The following STX2 variants were observed in gnomAD, a reference collection of about 807,000 sequenced individuals.
STX2 encodes syntaxin-2.
STX2 carries 27 observed loss-of-function variants against 40.6 expected under a neutral mutation model. The observed-to-expected ratio is 0.66, with a 90% CI of 0.49 to 0.92. STX2 has a LOEUF of 0.92. Among genes scored for constraint, STX2 ranks in the 40% least tolerant of loss-of-function variants. The probability of loss-of-function intolerance (pLI) is 0.00; values close to 1 mark genes in which losing one functional copy is unlikely to be tolerated. For missense variants in STX2, 328 were observed against 366.1 expected (o/e 0.90, Z 0.85); for synonymous variants, 123 against 119.1 (o/e 1.03, Z -0.22).
intron 2 of STX2, among the ~76,000 whole-genome samples, chr12:130,822,872 C>T (rs1952167496): frequency 6.6e-6 from 1 of 152,212 alleles, no homozygotes; most frequent in South Asian, 2.1e-4. Flanking sequence ...AATAATGGAA[C>T]ACTACGCATA....
At chr12:130,822,833 A>T (rs1304670037) in intron 2 of STX2, among the ~76,000 whole-genome samples, 1 of 152,234 alleles carries the variant, frequency 6.6e-6, no homozygotes, top group African/African-American at 2.4e-5. Context: ...GCAGTAGGAT[A>T]TAAATAACTC....
chr12:130,798,400 A>T, intron 9 of STX2, 125 bp downstream of exon 9: 1 of 562,956 alleles, frequency 1.8e-6, no homozygotes, highest in Non-Finnish European at 2.8e-6. Flanking sequence ...TTTCCATTTT[A>T]AAATAAAACA....
intron 1 of STX2, among the ~76,000 whole-genome samples, chr12:130,833,039 T>C (rs371982945): frequency 6.6e-6 from 1 of 152,200 alleles, no homozygotes; most frequent in African/African-American, 2.4e-5. Context: ...AGCTGCTGTC[T>C]ATCTCCCAGC....
intron 6 of STX2, among the ~76,000 whole-genome samples, chr12:130,806,377 C>T (rs756497694): frequency 2.0e-5 from 3 of 152,176 alleles, no homozygotes; most frequent in South Asian, 2.1e-4. Flanking sequence ...CAGCTGTCCA[C>T]GGCCCCCAGT....
intron 2 of STX2, among the ~76,000 whole-genome samples, chr12:130,824,434 A>G (rs941761689): frequency 2.6e-5 from 4 of 152,218 alleles, no homozygotes; most frequent in Admixed American, 2.6e-4. Context: ...CATATGTTAG[A>G]AAGTAAAAGA....
chr12:130,815,130 G>GA (rs1565921272), intron 3 of STX2, among the ~76,000 whole-genome samples: 1 of 152,072 alleles, frequency 6.6e-6, no homozygotes, highest in African/African-American at 2.4e-5. Flanking sequence ...GATGAAACTA[G>GA]AAAAAAAGAG....
chr12:130,790,868 G>C lies in STX2; in HGVS notation c.*1155C>G, dbSNP rs1412462168. ...AACAGGCGGAAACGGAGCTGAGGCC[G>C]AGGCTTTTCTGGAGGGCACCAGCAC... On this transcript the variant is annotated 3_prime_UTR_variant, in exon 11 of 11. Coordinates refer to ENST00000392373, the MANE Select transcript of STX2 (RefSeq NM_194356.4). 1 of 152,626 alleles carries C rather than the reference G, an allele frequency of 6.6e-6. No individual in the cohort carries two copies. Among genetic ancestry groups the C allele is most frequent in the African/African-American group, 2.4e-5 (1 of 41,444 alleles). The allele number at this position is 152,626 out of a possible 1,614,324, so 9.5% of individuals were successfully genotyped here.
chr12:130,826,166 TGAGCCCTCTGCTC>T (rs1455311987), intron 2 of STX2, among the ~76,000 whole-genome samples: 3 of 152,242 alleles, frequency 2.0e-5, no homozygotes, highest in African/African-American at 7.2e-5. Context: ...TTTCAGACCC[TGAGCCCTCTGCTC>T]TAGGCACTTG....
intron 9 of STX2, among the ~76,000 whole-genome samples, chr12:130,796,772 C>T (rs747619283): frequency 9.2e-5 from 14 of 152,148 alleles, no homozygotes; most frequent in Non-Finnish European, 1.9e-4. Context: ...CCCACTGCCT[C>T]GTCATGAAGC....
At chr12:130,796,767 T>A (rs976904692) in intron 9 of STX2, among the ~76,000 whole-genome samples, 1 of 152,182 alleles carries the variant, frequency 6.6e-6, no homozygotes, top group African/African-American at 2.4e-5. Context: ...AGAGCCCCAC[T>A]GCCTCGTCAT....
intron 1 of STX2, among the ~76,000 whole-genome samples, chr12:130,836,770 T>C (rs1593201362): frequency 6.6e-6 from 1 of 152,206 alleles, no homozygotes; most frequent in East Asian, 1.9e-4. Context: ...GAAAAAGTTT[T>C]GAGAGATTTA....
chr12:130,839,041 C>A (rs1186908713), intron 1 of STX2, 29 bp downstream of exon 1: 9 of 1,350,570 alleles, frequency 6.7e-6, no homozygotes, highest in Non-Finnish European at 8.6e-6. Flanking sequence ...CCGGCCGGGC[C>A]TGAACCGCTA....
intron 6 of STX2, among the ~76,000 whole-genome samples, chr12:130,802,188 G>A (rs149995324): frequency 3.9e-5 from 6 of 152,264 alleles, no homozygotes; most frequent in South Asian, 2.1e-4. Flanking sequence ...AACAAAGGAC[G>A]CTTTTGGTTT....
chr12:130,793,827 A>G (rs1454864504), intron 10 of STX2, among the ~76,000 whole-genome samples: 2 of 152,256 alleles, frequency 1.3e-5, no homozygotes, highest in African/African-American at 2.4e-5. Context: ...GGCTATGTTA[A>G]TATTTTAAAA....
At position 130,789,733 on chromosome 12, in the gene STX2, G is replaced by C. The variant is rs1203132728; in HGVS notation, c.*2290C>G. Reference sequence around the variant, plus strand: ...TTTTTAATGTAAACATGAAATATTTGAAGAACCGATTAAAAAGTCTCAAGT... The same window carrying C: ...TTTTTAATGTAAACATGAAATATTTCAAGAACCGATTAAAAAGTCTCAAGT... On this transcript the variant is annotated 3_prime_UTR_variant, in exon 11 of 11. Coordinates refer to ENST00000392373, the MANE Select transcript of STX2 (RefSeq NM_194356.4). 1 of 152,534 alleles carries C rather than the reference G, an allele frequency of 6.6e-6. No homozygotes were observed. The highest frequency in any genetic ancestry group is 1.5e-5 in the Non-Finnish European group (1 of 68,022). The allele number at this position is 152,534 out of a possible 1,614,324, so 9.4% of individuals were successfully genotyped here.
intron 6 of STX2, among the ~76,000 whole-genome samples, chr12:130,802,354 C>G (rs112772803): frequency 6.6e-6 from 1 of 152,124 alleles, no homozygotes; most frequent in Non-Finnish European, 1.5e-5. Context: ...TGCGTCACCA[C>G]GCCCGGCTAA....
intron 3 of STX2, among the ~76,000 whole-genome samples, chr12:130,819,912 G>C (rs938620108): frequency 6.6e-6 from 1 of 152,316 alleles, no homozygotes. Context: ...GGCGGCTCCA[G>C]AAACATTTTG....
chr12:130,809,638 G>A (rs1951572005), intron 4 of STX2, among the ~76,000 whole-genome samples: 1 of 152,118 alleles, frequency 6.6e-6, no homozygotes, highest in Non-Finnish European at 1.5e-5. Context: ...CCAACATGGT[G>A]AAACCCTGTC....
chr12:130,819,160 G>A (rs539448254), intron 3 of STX2, among the ~76,000 whole-genome samples: 2 of 152,292 alleles, frequency 1.3e-5, no homozygotes, highest in Non-Finnish European at 2.9e-5. Flanking sequence ...CCTGGCGGCC[G>A]CCGTGCCCAG....
Sources: gnomAD v4.1 joint callset for allele counts (sites outside exome capture counted in the v4.1 genomes callset) on GRCh38, gnomAD v4.1.1 for gene constraint, MANE v1.5 for transcripts, NCBI Gene and HGNC (gene_info 2026-07-23, HGNC 2026-07-21) for gene names.